Variants in HSPA12A observed in about 807,000 individuals in gnomAD.
HSPA12A encodes heat shock 70 kDa protein 12A.
Under a neutral mutation model 69.2 loss-of-function variants are expected in HSPA12A, and 28 were observed. The ratio of observed to expected loss-of-function variants is 0.40; its 90% CI spans 0.30 to 0.55. The LOEUF is 0.55. Ranked by LOEUF, HSPA12A falls within the 20% of genes least tolerant of loss-of-function variation. The probability of loss-of-function intolerance (pLI) is 0.38; values close to 1 mark genes in which losing one functional copy is unlikely to be tolerated. For synonymous variants in HSPA12A, 345 were observed against 370.5 expected (o/e 0.93, Z 0.79); for missense variants, 686 against 900.7 (o/e 0.76, Z 3.05).
At chr10:116,717,501 T>C (rs1850643722) in intron 1 of HSPA12A, among the ~76,000 whole-genome samples, 1 of 152,044 alleles carries the variant, frequency 6.6e-6, no homozygotes, top group Non-Finnish European at 1.5e-5. Flanking sequence ...GAGGCACATA[T>C]TGGTAAGAGA....
At chr10:116,777,785 T>C (rs1589700233) in intron 2 of HSPA12A, among the ~76,000 whole-genome samples, 1 of 152,238 alleles carries the variant, frequency 6.6e-6, no homozygotes, top group Admixed American at 6.5e-5. Context: ...TGGAGTACAG[T>C]GGCGCAATCT....
At chr10:116,766,698 T>C (rs1844084225) in intron 2 of HSPA12A, among the ~76,000 whole-genome samples, 1 of 152,328 alleles carries the variant, frequency 6.6e-6, no homozygotes, top group East Asian at 1.9e-4. Flanking sequence ...GGGAATCCCA[T>C]TCTTTTAATC....
At chr10:116,757,532 C>A (rs149047381) in intron 2 of HSPA12A, among the ~76,000 whole-genome samples, 1 of 152,192 alleles carries the variant, frequency 6.6e-6, no homozygotes, top group Non-Finnish European at 1.5e-5. Flanking sequence ...ATTCATCATC[C>A]GCACACGGCA....
Position 116,675,295 on chromosome 10 carries a change from A to G in HSPA12A, c.1514T>C (p.Ile505Thr), listed in dbSNP as rs1196560388. The G allele has an allele frequency of 1.2e-6, 2 of 1,613,466 alleles. No individual in the cohort carries two copies. The highest frequency in any genetic ancestry group is 1.7e-6 in the Non-Finnish European group (2 of 1,180,034). ...GGTGAGGCCCACGTCCTGGGGGATG[A>G]TGATCCGGCACTGGTCCCCAAAAGC... ...QAAFGDQCRI[I>T]IPQDVGLTIL... Residue 505 changes from isoleucine to threonine, a missense_variant, in exon 12 of 12, where the codon ATC becomes ACC. Physicochemically the swap from Ile to Thr is moderately conservative, Grantham distance 89. Coordinates refer to ENST00000369209, the MANE Select transcript of HSPA12A (RefSeq NM_025015.3). This position sits in a 1 kb window ranked among gnomAD's most constrained non-coding sequence, Gnocchi z 5.2.
In HSPA12A at chr10:116,683,931, T is replaced by C. The variant is rs1324523550; in HGVS notation, c.695A>G (p.Gln232Arg). The change falls in exon 7 of 12, where the codon CAG (glutamine) becomes CGG (arginine). Residue 232 changes from glutamine to arginine, a missense_variant. Coordinates refer to ENST00000369209, the MANE Select transcript of HSPA12A (RefSeq NM_025015.3). ...CTCAGGCTCCAAGGCAATGATGAGC[T>C]GCTCCGAGTTCTCGGGGGAGGCCAG... ...AGLASPENSEQLIIALEPEAA... is the reference protein window; with the variant it reads ...AGLASPENSERLIIALEPEAA... 17 of 1,582,900 alleles carry C rather than the reference T, an allele frequency of 1.1e-5. No individual in the cohort carries two copies. The highest frequency in any genetic ancestry group is 1.5e-5 in the Non-Finnish European group (17 of 1,156,650).
At chr10:116,835,384 C>G (rs1027856204) in intron 1 of HSPA12A, 1 of 152,990 alleles carries the variant, frequency 6.5e-6, no homozygotes, top group Non-Finnish European at 1.5e-5. Context: ...AACTGAGGAA[C>G]GAGGCCCGGT....
intron 2 of HSPA12A, among the ~76,000 whole-genome samples, chr10:116,771,446 C>T (rs1219241487): frequency 1.3e-5 from 2 of 152,226 alleles, no homozygotes; most frequent in Non-Finnish European, 2.9e-5. Context: ...TCACCCTCCT[C>T]CGGGAGCTGA....
At chr10:116,741,163 G>A (rs1554887077) in intron 1 of HSPA12A, among the ~76,000 whole-genome samples, 1 of 151,882 alleles carries the variant, frequency 6.6e-6, no homozygotes, top group East Asian at 2.0e-4. Flanking sequence ...CCGCCACCCT[G>A]CACTCCCCCA....
chr10:116,824,062 A>G (rs1215138330), intron 2 of HSPA12A, among the ~76,000 whole-genome samples: 2 of 152,216 alleles, frequency 1.3e-5, no homozygotes, highest in African/African-American at 4.8e-5. Flanking sequence ...TCAATAATAA[A>G]AAGACATAAC....
chr10:116,721,049 T>C (rs1554884323), intron 1 of HSPA12A, among the ~76,000 whole-genome samples: 2 of 152,170 alleles, frequency 1.3e-5, no homozygotes, highest in East Asian at 1.9e-4. Flanking sequence ...TTTAAGACCT[T>C]TGAAGTCTAA....
intron 2 of HSPA12A, among the ~76,000 whole-genome samples, chr10:116,816,888 T>G (rs1845316974): frequency 6.6e-6 from 1 of 152,176 alleles, no homozygotes; most frequent in Non-Finnish European, 1.5e-5. Context: ...TAAGTTTATT[T>G]TTCTGGTGGG....
chr10:116,709,842 T>C (rs1373494329), intron 1 of HSPA12A, among the ~76,000 whole-genome samples: 3 of 152,198 alleles, frequency 2.0e-5, no homozygotes, highest in African/African-American at 7.2e-5. Flanking sequence ...ATGGTTTAAG[T>C]GGCAAATTTT....
rs542949980 is a variant in HSPA12A at position 116,679,433 on chromosome 10, G to A, written c.1286+70C>T. On this transcript the variant is annotated intron_variant, in intron 10 of 11. Coordinates refer to ENST00000369209, the MANE Select transcript of HSPA12A (RefSeq NM_025015.3). ...GATTGGAACCCGAAGTCCACACTTCGCTCCTCTCTCCCATCAGCACGATCC... is the reference window on the plus strand; with the variant it reads ...GATTGGAACCCGAAGTCCACACTTCACTCCTCTCTCCCATCAGCACGATCC... 3.4e-5 allele frequency: 54 copies of A among 1,572,608 alleles called. No individual in the cohort carries two copies. In the South Asian group the frequency reaches 4.9e-4, roughly 14 times the overall value.
At chr10:116,741,371 G>T (rs1851499837) in intron 1 of HSPA12A, among the ~76,000 whole-genome samples, 1 of 152,262 alleles carries the variant, frequency 6.6e-6, no homozygotes, top group Admixed American at 6.5e-5. Context: ...AGAGCCAAGC[G>T]CTCGTTTCGT....
chr10:116,731,246 C>T (rs1851143864), intron 1 of HSPA12A, among the ~76,000 whole-genome samples: 1 of 152,190 alleles, frequency 6.6e-6, no homozygotes, highest in Non-Finnish European at 1.5e-5. Flanking sequence ...GTAAGTAAAC[C>T]TTCTCTGGCC....
chr10:116,698,889 T>TC, intron 4 of HSPA12A, 150 bp from the exon 5 acceptor site: 1 of 621,054 alleles, frequency 1.6e-6, no homozygotes, highest in South Asian at 2.0e-5. Flanking sequence ...GGATGGCGCA[T>TC]CCCCCAAAAT....
intron 2 of HSPA12A, among the ~76,000 whole-genome samples, chr10:116,797,962 C>T (rs1394040791): frequency 6.6e-6 from 1 of 152,136 alleles, no homozygotes; most frequent in Non-Finnish European, 1.5e-5. Context: ...GCAGAGGGCA[C>T]AGTTTGGGTA....
intron 7 of HSPA12A, among the ~76,000 whole-genome samples, chr10:116,682,464 G>A (rs967366791): frequency 6.6e-6 from 1 of 151,002 alleles, no homozygotes; most frequent in Non-Finnish European, 1.5e-5. Context: ...CTGGGGGGGG[G>A]GGCCATTTCC....
intron 6 of HSPA12A, among the ~76,000 whole-genome samples, chr10:116,684,244 T>A (rs1311724689): frequency 6.6e-6 from 1 of 152,100 alleles, no homozygotes; most frequent in East Asian, 1.9e-4. Context: ...TGGGGCCTCC[T>A]TGGCTCAGAG....
Sources: allele counts gnomAD v4.1 joint callset (sites outside exome capture counted in the v4.1 genomes callset), GRCh38; gene constraint gnomAD v4.1.1; non-coding constraint Gnocchi (gnomAD v3.1); transcripts MANE v1.5; gene names NCBI Gene and HGNC (gene_info 2026-07-23, HGNC 2026-07-21).